The following ICAM1 variants were observed in gnomAD, a reference collection of about 807,000 sequenced individuals.
ICAM1 encodes the protein ICAM-1.
Under a neutral mutation model 42.3 loss-of-function variants are expected in ICAM1, and 28 were observed. That is an observed-to-expected ratio of 0.66 (90% CI 0.49 to 0.91). The LOEUF (loss-of-function observed/expected upper bound fraction) is 0.91, where lower values mean the gene tolerates loss of function less well. ICAM1 is among the 40% of genes least tolerant of loss of function. The pLI, the probability that ICAM1 is intolerant of heterozygous loss-of-function variation, is 0.00. For missense variants in ICAM1, 637 were observed against 688.6 expected, an observed-to-expected ratio of 0.93 and a Z score of 0.84; for synonymous variants, 304 against 305.9, an observed-to-expected ratio of 0.99 and a Z score of 0.07.
Position 10,283,775 on chromosome 19 carries a change from T to G in ICAM1, c.626T>G (p.Leu209Arg). The G allele has an allele frequency of 6.2e-7, 1 of 1,602,986 alleles. No homozygotes were observed. Among genetic ancestry groups the G allele is most frequent in the Non-Finnish European group, 8.5e-7 (1 of 1,174,482 alleles). Residue 209 changes from leucine to arginine, a missense_variant, in exon 3 of 7, where the codon CTC (leucine) becomes CGC (arginine). Coordinates refer to ENST00000264832, the MANE Select transcript of ICAM1 (RefSeq NM_000201.3). ...LFENTSAPYQLQTFVLPATPP... is the reference protein window; with the variant it reads ...LFENTSAPYQRQTFVLPATPP... ...GAGAACACCTCGGCCCCCTACCAGC[T>G]CCAGACCTTTGGTGAGGATTGAAGA...
At chr19:10,271,656 G>C (rs1232919041) in intron 1 of ICAM1, among the ~76,000 whole-genome samples, 3 of 152,186 alleles carry the variant, frequency 2.0e-5, no homozygotes, top group Non-Finnish European at 1.5e-5. Flanking sequence ...TCTTGGCCCA[G>C]CGCAGCACCT....
intron 1 of ICAM1, among the ~76,000 whole-genome samples, chr19:10,272,114 CG>C (rs2039986027): frequency 6.6e-6 from 1 of 152,092 alleles, no homozygotes; most frequent in South Asian, 2.1e-4. Context: ...GGCAACATCC[CG>C]TCTCTACTAA....
In ICAM1 at chr19:10,284,607, T is replaced by C; in HGVS notation, c.1130T>C (p.Val377Ala). The C allele has an allele frequency of 6.2e-7, 1 of 1,614,004 alleles. No individual in the cohort carries two copies. The highest frequency in any genetic ancestry group is 8.5e-7 in the Non-Finnish European group (1 of 1,179,988). The change falls in exon 5 of 7, where the codon GTG becomes GCG. Residue 377 changes from valine to alanine, a missense_variant. Transcript: ENST00000264832. This position sits in a 1 kb window ranked among gnomAD's most constrained non-coding sequence, Gnocchi z 5.4. ...RSFSCSATLE[V>A]AGQLIHKNQT... ...TTCTCCTGCTCTGCAACCCTGGAGG[T>C]GGCCGGCCAGCTTATACACAAGAAC...
chr19:10,275,249 C>T (rs912431816), intron 2 of ICAM1, among the ~76,000 whole-genome samples: 2 of 152,170 alleles, frequency 1.3e-5, no homozygotes, highest in Admixed American at 6.5e-5. Flanking sequence ...TGCCTGTAAT[C>T]CCAGCACTTT....
chr19:10,279,724 T>G (rs988172623), intron 2 of ICAM1, among the ~76,000 whole-genome samples: 3 of 151,982 alleles, frequency 2.0e-5, no homozygotes, highest in Admixed American at 6.6e-5. Flanking sequence ...CCGCAAGAGA[T>G]CCTCCTGCCT....
intron 2 of ICAM1, among the ~76,000 whole-genome samples, chr19:10,279,580 T>C (rs2040041351): frequency 6.6e-6 from 1 of 151,826 alleles, no homozygotes; most frequent in Non-Finnish European, 1.5e-5. Flanking sequence ...ACCTCCTGGG[T>C]TCAACCGATT....
rs1200145766 is a variant in ICAM1, at chr19:10,284,428, G to T, written c.951G>T (p.Leu317=). Residue 317 remains leucine, a synonymous_variant, in exon 5 of 7, where the codon CTG becomes CTT. Coordinates refer to ENST00000264832, the MANE Select transcript of ICAM1 (RefSeq NM_000201.3). The surrounding 1 kb of genome is among the most constrained non-coding windows in gnomAD (Gnocchi z 5.4). ...GCTTTCCGGCGCCCAACGTGATTCT[G>T]ACGAAGCCAGAGGTCTCAGAAGGGA... is the stretch of plus-strand genomic sequence containing the variant. The part of the protein sequence containing the change: ...IYSFPAPNVI[L]TKPEVSEGTE... The T allele has an allele frequency of 6.2e-7, 1 of 1,613,742 alleles. No individual in the cohort carries two copies.
Position 10,271,136 on chromosome 19 carries a change from C to CA in ICAM1, c.-23dup. 6.2e-7 allele frequency: 1 copy of CA among 1,608,256 alleles called. No individual in the cohort carries two copies. Among genetic ancestry groups the CA allele is most frequent in the Non-Finnish European group, 8.5e-7 (1 of 1,176,664 alleles). On this transcript the variant is annotated 5_prime_UTR_variant, in exon 1 of 7. Transcript: ENST00000264832. Reference sequence around the variant, plus strand: ...GTCGACGCTGAGCTCCTCTGCTACTCAGAGTTGCAACCTCAGCCTCGCTAT... The same window carrying CA: ...GTCGACGCTGAGCTCCTCTGCTACTCAAGAGTTGCAACCTCAGCCTCGCTAT...
In ICAM1 at chr19:10,283,589, C is replaced by G. The variant is rs1408852700; in HGVS notation, c.440C>G (p.Thr147Ser). 6.2e-7 allele frequency: 1 copy of G among 1,613,836 alleles called. No homozygotes were observed. Among genetic ancestry groups the G allele is most frequent in the Non-Finnish European group, 8.5e-7 (1 of 1,180,008 alleles). ...VEGGAPRANL[T>S]VVLLRGEKEL... ...GGTGGGGCACCCCGGGCCAACCTCA[C>G]CGTGGTGCTGCTCCGTGGGGAGAAG... Residue 147 changes from threonine to serine, a missense_variant, in exon 3 of 7, where the codon ACC becomes AGC. Coordinates refer to ENST00000264832, the MANE Select transcript of ICAM1 (RefSeq NM_000201.3).
intron 2 of ICAM1, 35 bp downstream of exon 2, chr19:10,275,063 G>C (rs543509991): frequency 1.9e-6 from 3 of 1,603,774 alleles, no homozygotes; most frequent in Non-Finnish European, 2.6e-6. Context: ...GGACTAGGCA[G>C]ACCCGGTGGG....
Position 10,284,595 on chromosome 19 carries a change from CA to C in ICAM1, c.1120del (p.Thr374ProfsTer59). 6.2e-7 allele frequency: 1 copy of C among 1,614,200 alleles called. No individual in the cohort carries two copies. The highest frequency in any genetic ancestry group is 8.5e-7 in the Non-Finnish European group (1 of 1,180,034). On this transcript the variant is annotated frameshift_variant, in exon 5 of 7. Transcript: ENST00000264832. LOFTEE classifies it high-confidence loss of function. The surrounding 1 kb of genome is among the most constrained non-coding windows in gnomAD (Gnocchi z 5.4). ...EDNGRSFSCSATLEVAGQLIH... is the reference protein window; with the variant it reads ...EDNGRSFSCSXTLEVAGQLIH... ...AACGGGCGCAGCTTCTCCTGCTCTG[CA>C]ACCCTGGAGGTGGCCGGCCAGCTTA...
At chr19:10,275,230 G>A (rs548507014) in intron 2 of ICAM1, among the ~76,000 whole-genome samples, 4 of 152,294 alleles carry the variant, frequency 2.6e-5, no homozygotes, top group East Asian at 3.9e-4. Context: ...GGCTGGGTGC[G>A]GTGGCTCATG....
Position 10,283,729 on chromosome 19 carries a change from C to T in ICAM1, c.580C>T (p.Pro194Ser), listed in dbSNP as rs757120426. The T allele has an allele frequency of 1.9e-6, 3 of 1,613,518 alleles. No individual in the cohort carries two copies. The highest frequency in any genetic ancestry group is 2.2e-5 in the South Asian group (2 of 90,984). ...GTGCCGCACTGAACTGGACCTGCGG[C>T]CCCAAGGGCTGGAGCTGTTTGAGAA... ...FSCRTELDLR[P>S]QGLELFENTS... is the part of the protein sequence containing the mutation. Residue 194 changes from proline to serine, a missense_variant, in exon 3 of 7, where the codon CCC (proline) becomes TCC (serine). Pro to Ser is a moderately conservative substitution (Grantham distance 74, BLOSUM62 -1). Coordinates refer to ENST00000264832, the MANE Select transcript of ICAM1 (RefSeq NM_000201.3).
rs1014038697 is a variant in ICAM1 at position 10,275,087 on chromosome 19, G to A, written c.331+59G>A. 14 of 1,538,354 alleles carry A rather than the reference G, an allele frequency of 9.1e-6. No individual in the cohort carries two copies. The Admixed American group carries it at 1.4e-4, about 15-fold the overall frequency. ...AGACCCGGTGGGAGAGACGTGCAGG[G>A]GCACCTGCAGAGGCCTGGGGGAATC... On this transcript the variant is annotated intron_variant, in intron 2 of 6. Coordinates refer to ENST00000264832, the MANE Select transcript of ICAM1 (RefSeq NM_000201.3).
chr19:10,273,163 A>G (rs572369547), intron 1 of ICAM1, among the ~76,000 whole-genome samples: 1 of 152,226 alleles, frequency 6.6e-6, no homozygotes, highest in Admixed American at 6.5e-5. Context: ...GTTTGAGACC[A>G]GCCTTAGCAA....
chr19:10,275,110 A>G (rs1024115497), intron 2 of ICAM1, 82 bp downstream of exon 2: 12 of 1,435,520 alleles, frequency 8.4e-6, no homozygotes, highest in Admixed American at 1.9e-5. Context: ...GCCTGGGGGA[A>G]TCTTTGCCAC....
At chr19:10,276,767 T>A (rs2040019956) in intron 2 of ICAM1, among the ~76,000 whole-genome samples, 2 of 150,010 alleles carry the variant, frequency 1.3e-5, no homozygotes, top group East Asian at 4.0e-4. Flanking sequence ...AGGTCAGGAG[T>A]TCGAGACCAG....
rs189367965 is a variant in ICAM1 at position 10,271,443 on chromosome 19, G to T, written c.67+217G>T. 6.6e-5 allele frequency among the ~76,000 whole-genome samples: 10 copies of T among 152,108 alleles called. No individual in the cohort carries two copies. In the East Asian group the frequency reaches 1.9e-3, roughly 29 times the overall value. On this transcript the variant is annotated intron_variant, in intron 1 of 6. Coordinates refer to ENST00000264832, the MANE Select transcript of ICAM1 (RefSeq NM_000201.3). ...TTGCAGCTTTAAAAAAGGGTAGGGG[G>T]TTGGAGATGGAGGGGAGGGGCGGGC...
In ICAM1 at chr19:10,283,572, A is replaced by G. The variant is rs1394111610; in HGVS notation, c.423A>G (p.Ala141=). Residue 141 remains alanine, a synonymous_variant, in exon 3 of 7, where the codon GCA becomes GCG. Coordinates refer to ENST00000264832, the MANE Select transcript of ICAM1 (RefSeq NM_000201.3). ...TACGCTGCCAGGTGGAGGGTGGGGC[A>G]CCCCGGGCCAACCTCACCGTGGTGC... is the stretch of plus-strand genomic sequence containing the variant. ...LTLRCQVEGG[A]PRANLTVVLL... The G allele has an allele frequency of 5.6e-6, 9 of 1,613,306 alleles. No homozygotes were observed. The highest frequency in any genetic ancestry group is 1.3e-5 in the African/African-American group (1 of 74,918).
Sources: allele counts gnomAD v4.1 joint callset (sites outside exome capture counted in the v4.1 genomes callset), GRCh38; gene constraint gnomAD v4.1.1; non-coding constraint Gnocchi (gnomAD v3.1); transcripts MANE v1.5; gene names NCBI Gene and HGNC (gene_info 2026-07-23, HGNC 2026-07-21).